SH3GL1: variants seen among roughly 807,000 people sequenced by gnomAD.
SH3GL1 encodes SH3 domain containing GRB2 like 1, endophilin A2, also known as endophilin-A2.
Under a neutral mutation model 48.8 loss-of-function variants are expected in SH3GL1, and 21 were observed. That is an observed-to-expected ratio of 0.43 (90% CI 0.30 to 0.62). SH3GL1 has a LOEUF of 0.62. Ranked by LOEUF, SH3GL1 falls within the 20% of genes least tolerant of loss-of-function variation. The pLI is 0.11. For synonymous variants in SH3GL1, 282 were observed against 217.5 expected (o/e 1.30, Z -2.61); for missense variants, 454 against 503.0 (o/e 0.90, Z 0.93).
intron 1 of SH3GL1, among the ~76,000 whole-genome samples, chr19:4,382,415 G>A (rs1391363584): frequency 6.6e-5 from 10 of 151,664 alleles, no homozygotes; most frequent in Admixed American, 3.3e-4. Flanking sequence ...CCACTACCAC[G>A]CCCGGCTAAT....
In SH3GL1 at chr19:4,360,661, C is replaced by T. The variant is rs536885717; in HGVS notation, c.*939G>A. ...GCCTGCCTTGGTCTAGAGGAGATGG[C>T]TGGGGCCACTTCCCACAGGGTGAAG... On this transcript the variant is annotated 3_prime_UTR_variant, in exon 10 of 10. Transcript: ENST00000269886. The T allele has an allele frequency of 1.1e-4, 25 of 233,278 alleles. No individual in the cohort carries two copies. The highest frequency in any genetic ancestry group is 5.5e-4 in the African/African-American group (25 of 45,458). The allele number at this position is 233,278 out of a possible 1,614,324, so 14.5% of individuals were successfully genotyped here. A position where few individuals can be genotyped will look rare whatever the true frequency, so the allele number is the denominator to read the frequency against.
rs1049233777 is a variant in SH3GL1, at chr19:4,365,643, G to A, written c.188-18C>T. The A allele has an allele frequency of 6.2e-7, 1 of 1,613,254 alleles. No homozygotes were observed. ...CCGCGAGGCTGGGATAGGATGGCCA[G>A]GTGGGTGTGGGCTGTGAGGCCTGCA... On this transcript the variant is annotated intron_variant, in intron 3 of 9. Transcript: ENST00000269886.
rs1449624438 is a variant in SH3GL1, at chr19:4,364,913, TATA to T, written c.331+566_331+568del. Among the ~76,000 whole-genome samples, 205 of 131,352 alleles carry T rather than the reference TATA, an allele frequency of 1.6e-3. 3 individuals carry two copies. The highest frequency in any genetic ancestry group is 5.0e-3 in the African/African-American group (161 of 32,026). The allele number at this position is 131,352 out of a possible 152,430, so 86.2% of individuals were successfully genotyped here. ...GTGTGTGTGTGTATATATATATATA[TATA>T]TTTTTTTTTTTTTAGTAGAAGCGGG... On this transcript the variant is annotated intron_variant, in intron 4 of 9. Transcript: ENST00000269886.
At chr19:4,377,606 C>T (rs1007173374) in intron 1 of SH3GL1, among the ~76,000 whole-genome samples, 6 of 152,178 alleles carry the variant, frequency 3.9e-5, no homozygotes, top group South Asian at 2.1e-4. Context: ...CACAGCCAGC[C>T]GCGCCTGTGC....
chr19:4,399,131 G>A (rs527408699), intron 1 of SH3GL1, among the ~76,000 whole-genome samples: 8 of 151,934 alleles, frequency 5.3e-5, no homozygotes, highest in Admixed American at 3.9e-4. Flanking sequence ...ACCACCCTGG[G>A]GCACATGGAG....
At chr19:4,394,995 C>G (rs367985216) in intron 1 of SH3GL1, among the ~76,000 whole-genome samples, 163 of 152,398 alleles carry the variant, frequency 1.1e-3, no homozygotes, top group African/African-American at 3.7e-3. Flanking sequence ...GCGCCATCCC[C>G]GGCTGACAGC....
rs967056276 is a variant in SH3GL1, at chr19:4,400,064, G to A, written c.45+260C>T. On this transcript the variant is annotated intron_variant, in intron 1 of 9. Coordinates refer to ENST00000269886, the MANE Select transcript of SH3GL1 (RefSeq NM_003025.4). The surrounding 1 kb of genome is among the most constrained non-coding windows in gnomAD (Gnocchi z 4.1). ...TGCAGCGGAGAGAAGGAGGGGAGAG[G>A]TCCGCGTCCCTGGGCAGCCCAGGGT... Among the ~76,000 whole-genome samples the A allele has an allele frequency of 6.6e-6, 1 of 152,074 alleles. No individual in the cohort carries two copies. The highest frequency in any genetic ancestry group is 2.4e-5 in the African/African-American group (1 of 41,428).
At position 4,400,396 on chromosome 19, in the gene SH3GL1, C is replaced by A; in HGVS notation, c.-28G>T. The A allele has an allele frequency of 6.4e-7, 1 of 1,569,800 alleles. No homozygotes were observed. Among genetic ancestry groups the A allele is most frequent in the East Asian group, 2.5e-5 (1 of 40,066 alleles). On this transcript the variant is annotated 5_prime_UTR_variant, in exon 1 of 10. Transcript: ENST00000269886. The surrounding 1 kb of genome is among the most constrained non-coding windows in gnomAD (Gnocchi z 4.1). Reference sequence around the variant, plus strand: ...TGCCGCCCGCCGCCGAGCCTCCCGCCCGGACCGCGCCAGCGACAGGCTCCC... The same window carrying A: ...TGCCGCCCGCCGCCGAGCCTCCCGCACGGACCGCGCCAGCGACAGGCTCCC...
At chr19:4,373,547 A>G (rs1972944494) in intron 1 of SH3GL1, among the ~76,000 whole-genome samples, 1 of 152,232 alleles carries the variant, frequency 6.6e-6, no homozygotes, top group Admixed American at 6.5e-5. Context: ...CACCATGGCC[A>G]GATTGGGCAC....
chr19:4,379,142 G>T (rs960809614), intron 1 of SH3GL1, among the ~76,000 whole-genome samples: 3 of 152,174 alleles, frequency 2.0e-5, no homozygotes, highest in Admixed American at 1.3e-4. Flanking sequence ...TTCTACTGGC[G>T]GACGAGGGCG....
At chr19:4,362,235 T>G in intron 9 of SH3GL1, 94 bp downstream of exon 9, 37 of 1,293,720 alleles carry the variant, frequency 2.9e-5, no homozygotes, top group Non-Finnish European at 3.9e-5. Flanking sequence ...CCTCCCTGCT[T>G]GAGATGGGCA....
chr19:4,367,074 A>G lies in SH3GL1; in HGVS notation c.46-80T>C. On this transcript the variant is annotated intron_variant, in intron 1 of 9. Transcript: ENST00000269886. This position sits in a 1 kb window ranked among gnomAD's most constrained non-coding sequence, Gnocchi z 4.2. ...GACAGGAGGCCCTGAGCCGCCTTCC[A>G]GCCACATCGCATCCACAGCTGGAGG... 7.7e-7 allele frequency: 1 copy of G among 1,291,410 alleles called. No individual in the cohort carries two copies. Among genetic ancestry groups the G allele is most frequent in the Non-Finnish European group, 1.1e-6 (1 of 886,810 alleles). 80.0% of individuals were successfully genotyped at this position (1,291,410 alleles called of 1,614,324 possible). A position where few individuals can be genotyped will look rare whatever the true frequency, so the allele number is the denominator to read the frequency against.
rs57007612 is a variant in SH3GL1, at chr19:4,389,140, G to A, written c.45+11184C>T. Among the ~76,000 whole-genome samples, 2 of 152,268 alleles carry A rather than the reference G, an allele frequency of 1.3e-5. No homozygotes were observed. The highest frequency in any genetic ancestry group is 4.8e-5 in the African/African-American group (2 of 41,536). Reference sequence around the variant, plus strand: ...AGCCCTCTAGCTCAGCCTCTGTAGGGGGCGTCTCTGGCAACCTCATCAGCA... The same window carrying A: ...AGCCCTCTAGCTCAGCCTCTGTAGGAGGCGTCTCTGGCAACCTCATCAGCA... On this transcript the variant is annotated intron_variant, in intron 1 of 9. Coordinates refer to ENST00000269886, the MANE Select transcript of SH3GL1 (RefSeq NM_003025.4). The surrounding 1 kb of genome is among the most constrained non-coding windows in gnomAD (Gnocchi z 4.5).
At position 4,367,026 on chromosome 19, in the gene SH3GL1, C is replaced by T. The variant is rs370380125; in HGVS notation, c.46-32G>A. 919 of 1,604,002 alleles carry T rather than the reference C, an allele frequency of 5.7e-4. 1 individual carries two copies. Among genetic ancestry groups the T allele is most frequent in the Admixed American group, 1.0e-3 (61 of 59,988 alleles). The stretch of plus-strand genomic sequence containing the variant: ...GACAGAAGAGGGGAAACGCTGTGAG[C>T]CCAGGGGTAGGAGGAAGAAGAGGAC... On this transcript the variant is annotated intron_variant, in intron 1 of 9. Coordinates refer to ENST00000269886, the MANE Select transcript of SH3GL1 (RefSeq NM_003025.4). The surrounding 1 kb of genome is among the most constrained non-coding windows in gnomAD (Gnocchi z 4.2).
intron 1 of SH3GL1, among the ~76,000 whole-genome samples, chr19:4,372,911 C>T (rs969259237): frequency 3.3e-5 from 5 of 152,314 alleles, no homozygotes; most frequent in African/African-American, 7.2e-5. Flanking sequence ...GAGGCCCTTG[C>T]GTGCTGACTA....
chr19:4,374,971 G>A (rs371475930), intron 1 of SH3GL1, among the ~76,000 whole-genome samples: 7 of 152,194 alleles, frequency 4.6e-5, no homozygotes, highest in African/African-American at 1.7e-4. Context: ...GTGGCAGGGC[G>A]GTGACCTGGG....
rs544137475 is a variant in SH3GL1 at position 4,400,025 on chromosome 19, C to T, written c.45+299G>A. On this transcript the variant is annotated intron_variant, in intron 1 of 9. Coordinates refer to ENST00000269886, the MANE Select transcript of SH3GL1 (RefSeq NM_003025.4). The surrounding 1 kb of genome is among the most constrained non-coding windows in gnomAD (Gnocchi z 4.1). ...GGACTCCTCTCTTCCCCTTCTCTCC[C>T]CGCACCCCGCCTTTGCAGCGGAGAG... Among the ~76,000 whole-genome samples, 2 of 152,176 alleles carry T rather than the reference C, an allele frequency of 1.3e-5. No individual in the cohort carries two copies. The highest frequency in any genetic ancestry group is 2.9e-5 in the Non-Finnish European group (2 of 68,008).
rs1973288416 is a variant in SH3GL1 at position 4,389,099 on chromosome 19, C to T, written c.45+11225G>A. Among the ~76,000 whole-genome samples, 1 of 152,180 alleles carries T rather than the reference C, an allele frequency of 6.6e-6. No individual in the cohort carries two copies. The highest frequency in any genetic ancestry group is 1.5e-5 in the Non-Finnish European group (1 of 68,020). ...CACAGGGGCCCTGTGGAGGACAGCC[C>T]CTCACTCTGAGAAGGAGCCCTCTAG... is the stretch of plus-strand genomic sequence containing the variant. On this transcript the variant is annotated intron_variant, in intron 1 of 9. Coordinates refer to ENST00000269886, the MANE Select transcript of SH3GL1 (RefSeq NM_003025.4). This position sits in a 1 kb window ranked among gnomAD's most constrained non-coding sequence, Gnocchi z 4.5.
At chr19:4,362,422 A>AACGGTCGGGGC in intron 8 of SH3GL1, 37 bp from the exon 9 acceptor site, 1 of 1,597,568 alleles carries the variant, frequency 6.3e-7, no homozygotes, top group Non-Finnish European at 8.5e-7. Context: ...GTGGGCTCAA[A>AACGGTCGGGGC]ACGGTCGGGC....
Sources: allele counts gnomAD v4.1 joint callset (sites outside exome capture counted in the v4.1 genomes callset), GRCh38; gene constraint gnomAD v4.1.1; non-coding constraint Gnocchi (gnomAD v3.1); transcripts MANE v1.5; gene names NCBI Gene and HGNC (gene_info 2026-07-23, HGNC 2026-07-21).